RSRC1: variants seen among roughly 807,000 people sequenced by gnomAD.
RSRC1 encodes the protein serine/Arginine-related protein 53.
Under a neutral mutation model 49.1 loss-of-function variants are expected in RSRC1, and 39 were observed. That is an observed-to-expected ratio of 0.79 (90% CI 0.61 to 1.04). RSRC1 has a LOEUF of 1.04. Among genes scored for constraint, RSRC1 ranks in the 50% least tolerant of loss-of-function variants. The probability of loss-of-function intolerance (pLI) is 0.00; values close to 1 mark genes in which losing one functional copy is unlikely to be tolerated. For missense variants in RSRC1, 388 were observed against 402.4 expected, an observed-to-expected ratio of 0.96 and a Z score of 0.31; for synonymous variants, 143 against 130.8, an observed-to-expected ratio of 1.09 and a Z score of -0.63.
intron 7 of RSRC1, among the ~76,000 whole-genome samples, chr3:158,467,952 G>A (rs1737959768): frequency 6.6e-6 from 1 of 152,064 alleles, no homozygotes; most frequent in South Asian, 2.1e-4. Context: ...TTATTTTTTT[G>A]AGACGGAGTC....
intron 3 of RSRC1, among the ~76,000 whole-genome samples, chr3:158,135,070 T>C (rs1716281630): frequency 6.6e-6 from 1 of 152,162 alleles, no homozygotes; most frequent in South Asian, 2.1e-4. Flanking sequence ...TTAAAACTAA[T>C]TTAATTACAT....
At chr3:158,445,073 A>C (rs1365946107) in intron 6 of RSRC1, among the ~76,000 whole-genome samples, 1 of 152,232 alleles carries the variant, frequency 6.6e-6, no homozygotes, top group Non-Finnish European at 1.5e-5. Flanking sequence ...AAACTAGTTC[A>C]ACCATTGTGA....
At chr3:158,145,202 T>C (rs147900954) in intron 3 of RSRC1, among the ~76,000 whole-genome samples, 8,332 of 152,272 alleles carry the variant, frequency 0.055, 279 homozygotes, top group East Asian at 0.11. Context: ...ATGAAGTCCT[T>C]GCCCATGCCT....
chr3:158,268,968 T>C (rs1413186361), intron 4 of RSRC1, among the ~76,000 whole-genome samples: 3 of 152,182 alleles, frequency 2.0e-5, no homozygotes, highest in Admixed American at 2.0e-4. Context: ...AAATACATAA[T>C]TATATGAGAC....
chr3:158,288,847 C>A lies in RSRC1; in HGVS notation c.495-9192C>A, dbSNP rs976636979. Among the ~76,000 whole-genome samples, 3 of 112,812 alleles carry A rather than the reference C, an allele frequency of 2.7e-5. 1 individual carries two copies. Among genetic ancestry groups the A allele is most frequent in the African/African-American group, 1.0e-4 (3 of 29,342 alleles). The allele number at this position is 112,812 out of a possible 152,430, so 74.0% of individuals were successfully genotyped here. ...ATGCACGTTCCCCGCCCCCCCCCCC[C>A]CCAAATATTTTTGATCTGTGGTTGG... On this transcript the variant is annotated intron_variant, in intron 4 of 9. Transcript: ENST00000611884.
intron 3 of RSRC1, among the ~76,000 whole-genome samples, chr3:158,167,821 T>C (rs1718626603): frequency 6.6e-6 from 1 of 152,180 alleles, no homozygotes; most frequent in Non-Finnish European, 1.5e-5. Context: ...TTCAAGCATA[T>C]GGACATAACC....
intron 4 of RSRC1, among the ~76,000 whole-genome samples, chr3:158,238,518 G>C (rs556227743): frequency 7.9e-5 from 12 of 152,216 alleles, no homozygotes; most frequent in African/African-American, 2.9e-4. Flanking sequence ...CCAAAACAGA[G>C]ATATAGACCA....
intron 6 of RSRC1, among the ~76,000 whole-genome samples, chr3:158,367,687 C>A (rs2108262348): frequency 6.6e-6 from 1 of 152,132 alleles, no homozygotes; most frequent in African/African-American, 2.4e-5. Context: ...CCCTCTTTTT[C>A]AAGAATAGTG....
chr3:158,197,256 C>T (rs1300611565), intron 3 of RSRC1, among the ~76,000 whole-genome samples: 2 of 152,122 alleles, frequency 1.3e-5, no homozygotes, highest in Non-Finnish European at 2.9e-5. Flanking sequence ...AGGAATTTAT[C>T]CATTTCTTCT....
Position 158,413,589 on chromosome 3 carries a change from A to G in RSRC1, c.584-47346A>G, listed in dbSNP as rs140603058. On this transcript the variant is annotated intron_variant, in intron 6 of 9. Coordinates refer to ENST00000611884, the MANE Select transcript of RSRC1 (RefSeq NM_001271838.2). ...GGGAGAAAATTTTTGCAATCTATCCATCTGACAGAGGTCTAATATCCAGAA... is the reference window on the plus strand; with the variant it reads ...GGGAGAAAATTTTTGCAATCTATCCGTCTGACAGAGGTCTAATATCCAGAA... Among the ~76,000 whole-genome samples, 674 of 152,234 alleles carry G rather than the reference A, an allele frequency of 4.4e-3. 5 individuals carry two copies. The highest frequency in any genetic ancestry group is 7.3e-3 in the Admixed American group (112 of 15,272).
intron 5 of RSRC1, among the ~76,000 whole-genome samples, chr3:158,312,380 G>A (rs1405332176): frequency 6.6e-6 from 1 of 152,142 alleles, no homozygotes; most frequent in Non-Finnish European, 1.5e-5. Flanking sequence ...TATTTGTTGA[G>A]TGTCAGTTAT....
intron 3 of RSRC1, among the ~76,000 whole-genome samples, chr3:158,186,115 G>C (rs1430199764): frequency 1.3e-5 from 2 of 151,826 alleles, no homozygotes; most frequent in Non-Finnish European, 2.9e-5. Context: ...CAGCAAAACA[G>C]TTCCCATTCA....
intron 6 of RSRC1, among the ~76,000 whole-genome samples, chr3:158,395,091 T>C (rs1733534725): frequency 1.3e-5 from 2 of 152,190 alleles, no homozygotes; most frequent in African/African-American, 4.8e-5. Context: ...AAGGACTCCC[T>C]GTTCAATAAA....
chr3:158,383,862 C>T (rs1045957412), intron 6 of RSRC1, among the ~76,000 whole-genome samples: 1 of 152,036 alleles, frequency 6.6e-6, no homozygotes, highest in Middle Eastern at 3.2e-3. Context: ...CAAATCATGA[C>T]AATTCATTCC....
In RSRC1 at chr3:158,362,955, T is replaced by G. The variant is rs1731559278; in HGVS notation, c.583+8047T>G. Among the ~76,000 whole-genome samples the G allele has an allele frequency of 2.0e-5, 3 of 152,210 alleles. No homozygotes were observed. The South Asian group carries it at 6.2e-4, about 32-fold the overall frequency. On this transcript the variant is annotated intron_variant, in intron 6 of 9. Coordinates refer to ENST00000611884, the MANE Select transcript of RSRC1 (RefSeq NM_001271838.2). ...GAATTGACACATGCACCTTTAAAAT[T>G]ATATTTCTAATGTTATAAGAAAAGA...
chr3:158,269,876 T>A (rs1229032142), intron 4 of RSRC1, among the ~76,000 whole-genome samples: 3 of 152,176 alleles, frequency 2.0e-5, no homozygotes, highest in African/African-American at 4.8e-5. Context: ...CTTGAAGATA[T>A]CAGAACAAGA....
At chr3:158,483,737 T>C (rs981120601) in intron 7 of RSRC1, among the ~76,000 whole-genome samples, 1 of 150,520 alleles carries the variant, frequency 6.6e-6, no homozygotes, top group Non-Finnish European at 1.5e-5. Context: ...AAGTTTATAT[T>C]AATTTTATTC....
At chr3:158,131,428 T>C (rs1035395151) in intron 3 of RSRC1, among the ~76,000 whole-genome samples, 1 of 152,208 alleles carries the variant, frequency 6.6e-6, no homozygotes, top group Non-Finnish European at 1.5e-5. Flanking sequence ...TTCTATGTAC[T>C]GAAGACCCCA....
chr3:158,335,629 C>A (rs561155477), intron 5 of RSRC1, among the ~76,000 whole-genome samples: 1 of 152,278 alleles, frequency 6.6e-6, no homozygotes, highest in African/African-American at 2.4e-5. Context: ...AAGGATATAG[C>A]TGCAAAAGTC....
Sources: allele counts gnomAD v4.1 joint callset (sites outside exome capture counted in the v4.1 genomes callset), GRCh38; gene constraint gnomAD v4.1.1; transcripts MANE v1.5; gene names NCBI Gene and HGNC (gene_info 2026-07-23, HGNC 2026-07-21).